Variants in TMPRSS15 observed in about 807,000 individuals in gnomAD.
TMPRSS15 encodes the protein transmembrane serine protease 15, also known as enteropeptidase.
A neutral mutation model predicts 125.3 loss-of-function variants in TMPRSS15; 128 were observed. The ratio of observed to expected loss-of-function variants is 1.02; its 90% CI spans 0.89 to 1.18. The LOEUF (loss-of-function observed/expected upper bound fraction) is 1.18, where lower values mean the gene tolerates loss of function less well. Ranked by LOEUF, TMPRSS15 falls within the 50% of genes most tolerant of loss-of-function variation. The pLI, the probability that TMPRSS15 is intolerant of heterozygous loss-of-function variation, is 0.00. For synonymous variants in TMPRSS15, 446 were observed against 423.2 expected, an observed-to-expected ratio of 1.05 and a Z score of -0.66; for missense variants, 1,283 against 1,212.7, an observed-to-expected ratio of 1.06 and a Z score of -0.86.
intron 17 of TMPRSS15, 58 bp from the exon 18 acceptor site, chr21:18,313,135 G>T (rs1050122228): frequency 2.4e-6 from 3 of 1,228,948 alleles, no homozygotes; most frequent in Middle Eastern, 1.9e-4. Context: ...CGGAGTATGG[G>T]AAGACATCGT....
At chr21:18,317,727 A>G (rs1402502345) in intron 16 of TMPRSS15, among the ~76,000 whole-genome samples, 2 of 151,800 alleles carry the variant, frequency 1.3e-5, no homozygotes, top group Non-Finnish European at 2.9e-5. Flanking sequence ...TAACTAAATT[A>G]AAATTTGCTT....
Position 18,353,777 on chromosome 21 carries a change from C to G in TMPRSS15, c.967G>C (p.Asp323His), listed in dbSNP as rs1355012976. Residue 323 changes from aspartate to histidine, a missense_variant, in exon 9 of 25, where the codon GAT becomes CAT. Asp to His is a moderately conservative substitution (Grantham distance 81). Transcript: ENST00000284885. ...TATGTTGCATTAAAGCCAACATAAT[C>G]ACTTTCATCAGATTCTATAAGAAAG... ...ATFLIESDES[D>H]YVGFNATYTA... The G allele has an allele frequency of 6.2e-7, 1 of 1,611,678 alleles. No individual in the cohort carries two copies. The highest frequency in any genetic ancestry group is 1.3e-5 in the African/African-American group (1 of 74,800).
chr21:18,374,411 T>G (rs2075821203), intron 5 of TMPRSS15, among the ~76,000 whole-genome samples: 1 of 140,504 alleles, frequency 7.1e-6, no homozygotes, highest in South Asian at 2.3e-4. Flanking sequence ...AAGCGGAGCT[T>G]GCAGTGAGCC....
intron 13 of TMPRSS15, 95 bp downstream of exon 13, chr21:18,341,318 G>C: frequency 6.7e-7 from 1 of 1,496,676 alleles, no homozygotes; most frequent in Non-Finnish European, 9.3e-7. Flanking sequence ...CAATCCTCCT[G>C]CTTCAGCCTC....
chr21:18,407,438 TTTTTC>T (rs1366203362), upstream of TMPRSS15, among the ~76,000 whole-genome samples: 5 of 136,724 alleles, frequency 3.7e-5, no homozygotes, highest in Non-Finnish European at 3.1e-5. Context: ...TCTTTTTCTT[TTTTTC>T]TTTTCTTTTT....
intron 1 of TMPRSS15, among the ~76,000 whole-genome samples, chr21:18,475,798 T>C (rs1354417425): frequency 6.6e-6 from 1 of 152,224 alleles, no homozygotes; most frequent in Non-Finnish European, 1.5e-5. Flanking sequence ...GCCCACATAG[T>C]ACAAACAAGG....
At position 18,280,593 on chromosome 21, in the gene TMPRSS15, A is replaced by AAAAAAAAAAAAAAAC. The variant is rs1267521488; in HGVS notation, c.2668+446_2668+447insGTTTTTTTTTTTTTT. Among the ~76,000 whole-genome samples the AAAAAAAAAAAAAAAC allele has an allele frequency of 4.1e-4, 59 of 143,646 alleles. 1 individual carries two copies. The highest frequency in any genetic ancestry group is 1.5e-3 in the African/African-American group (55 of 35,566). 94.2% of individuals were successfully genotyped at this position (143,646 alleles called of 152,430 possible). A position where few individuals can be genotyped will look rare whatever the true frequency, so the allele number is the denominator to read the frequency against. On this transcript the variant is annotated intron_variant, in intron 22 of 24. Transcript: ENST00000284885. ...TCCGTCTCAAAAAAAAAAAAAAAAAAAACAACAAAACAACAAAAAACCAAA... is the reference window on the plus strand; with the variant it reads ...TCCGTCTCAAAAAAAAAAAAAAAAAAAAAAAAAAAAAAAACAACAACAAAACAACAAAAAACCAAA...
At chr21:18,394,533 GTCTCTCTC>G (rs199599399) in intron 3 of TMPRSS15, among the ~76,000 whole-genome samples, 1 of 147,214 alleles carries the variant, frequency 6.8e-6, no homozygotes, top group Non-Finnish European at 1.5e-5. Context: ...CTCTCTCTCT[GTCTCTCTC>G]TCTCTCTCTC....
At chr21:18,482,534 C>A (rs1979001131) in intron 1 of TMPRSS15, among the ~76,000 whole-genome samples, 1 of 151,506 alleles carries the variant, frequency 6.6e-6, no homozygotes, top group Non-Finnish European at 1.5e-5. Context: ...TAACAAAATA[C>A]CACATGCACC....
rs1156567626 is a variant in TMPRSS15 at position 18,297,800 on chromosome 21, G to A, written c.2195C>T (p.Pro732Leu). 2 of 1,613,542 alleles carry A rather than the reference G, an allele frequency of 1.2e-6. No individual in the cohort carries two copies. The highest frequency in any genetic ancestry group is 2.2e-5 in the East Asian group (1 of 44,824). ...TTTGACAAATGGTCCACCATCGGTA[G>A]GGAAGATTGGCTTTGATGAGTTTCC... ...GSGNSSKPIF[P>L]TDGGPFVKLN... Residue 732 changes from proline to leucine, a missense_variant, in exon 19 of 25, where the codon CCT becomes CTT. Physicochemically the swap from Pro to Leu is moderately conservative, Grantham distance 98 (BLOSUM62 -3). Transcript: ENST00000284885.
At chr21:18,280,587 A>C (rs1464833691) in intron 22 of TMPRSS15, among the ~76,000 whole-genome samples, 1 of 145,474 alleles carries the variant, frequency 6.9e-6, no homozygotes, top group Non-Finnish European at 1.5e-5. Flanking sequence ...AAAAAAAAAA[A>C]AAAAAAAACA....
At chr21:18,412,382 A>G (rs1231584715) in intron 1 of TMPRSS15, among the ~76,000 whole-genome samples, 1 of 152,198 alleles carries the variant, frequency 6.6e-6, no homozygotes, top group Non-Finnish European at 1.5e-5. Flanking sequence ...ACACAATTCC[A>G]GGAAGCTTGT....
intron 5 of TMPRSS15, among the ~76,000 whole-genome samples, chr21:18,378,271 T>C (rs1439972629): frequency 6.6e-6 from 1 of 152,124 alleles, no homozygotes; most frequent in East Asian, 1.9e-4. Flanking sequence ...AGGCTGTAAA[T>C]AATTTTCCAT....
At chr21:18,363,805 T>G (rs2075700026) in intron 7 of TMPRSS15, among the ~76,000 whole-genome samples, 1 of 152,116 alleles carries the variant, frequency 6.6e-6, no homozygotes, top group Non-Finnish European at 1.5e-5. Flanking sequence ...TTCTCCAACT[T>G]GGTTAATTTT....
chr21:18,271,902 G>A (rs1326010695), intron 24 of TMPRSS15, among the ~76,000 whole-genome samples: 4 of 151,944 alleles, frequency 2.6e-5, no homozygotes, highest in Non-Finnish European at 4.4e-5. Flanking sequence ...TGCAAATGAC[G>A]TGATCTCATT....
chr21:18,426,314 A>G (rs2076202516), intron 1 of TMPRSS15, among the ~76,000 whole-genome samples: 1 of 152,174 alleles, frequency 6.6e-6, no homozygotes. Context: ...TCACTTAGCA[A>G]ATAAGTGGCA....
chr21:18,428,024 G>T (rs140279352), intron 1 of TMPRSS15, among the ~76,000 whole-genome samples: 39 of 152,306 alleles, frequency 2.6e-4, no homozygotes, highest in African/African-American at 9.4e-4. Context: ...TTAATTGACC[G>T]ACAGAAGTCT....
At chr21:18,459,996 G>T (rs926938287) in intron 1 of TMPRSS15, among the ~76,000 whole-genome samples, 3 of 151,808 alleles carry the variant, frequency 2.0e-5, no homozygotes, top group African/African-American at 7.3e-5. Context: ...TAATACTATC[G>T]ATTTTTATAT....
At chr21:18,456,928 C>T (rs1422840479) in intron 1 of TMPRSS15, among the ~76,000 whole-genome samples, 2 of 152,040 alleles carry the variant, frequency 1.3e-5, no homozygotes, top group Non-Finnish European at 2.9e-5. Flanking sequence ...AGCCTGAATG[C>T]AGCAGTCAAT....
Sources: gnomAD v4.1 joint callset for allele counts (sites outside exome capture counted in the v4.1 genomes callset) on GRCh38, gnomAD v4.1.1 for gene constraint, MANE v1.5 for transcripts, NCBI Gene and HGNC (gene_info 2026-07-23, HGNC 2026-07-21) for gene names.